The following VPS13A variants were observed in gnomAD, a reference collection of about 807,000 sequenced individuals.
The protein encoded by VPS13A is vacuolar protein sorting 13 homolog A.
Under a neutral mutation model 390.9 loss-of-function variants are expected in VPS13A, and 264 were observed. The observed-to-expected ratio is 0.68, with a 90% confidence interval of 0.61 to 0.75. The LOEUF is 0.75. Ranked by LOEUF, VPS13A falls within the 30% of genes least tolerant of loss-of-function variation. The pLI, the probability that VPS13A is intolerant of heterozygous loss-of-function variation, is 0.00. For missense variants in VPS13A, 3,409 were observed against 3,733.9 expected (o/e 0.91, Z 2.27); for synonymous variants, 1,231 against 1,227.1 (o/e 1.00, Z -0.07).
chr9:77,237,409 A>G (rs1031250372), intron 17 of VPS13A, among the ~76,000 whole-genome samples: 1 of 151,600 alleles, frequency 6.6e-6, no homozygotes, highest in South Asian at 2.1e-4. Context: ...CTGTCACCCA[A>G]GCTGGAGGGC....
intron 1 of VPS13A, among the ~76,000 whole-genome samples, chr9:77,198,342 T>C (rs1178958318): frequency 6.6e-6 from 1 of 152,204 alleles, no homozygotes; most frequent in African/African-American, 2.4e-5. Flanking sequence ...TGTTCTGTTA[T>C]GAATGCCTGC....
intron 67 of VPS13A, among the ~76,000 whole-genome samples, chr9:77,379,487 G>A (rs1038751036): frequency 7.9e-5 from 12 of 151,970 alleles, no homozygotes; most frequent in Admixed American, 3.9e-4. Context: ...TGATCTGCCC[G>A]CCTTGGCCTC....
chr9:77,286,139 G>T (rs1230216704), intron 31 of VPS13A, among the ~76,000 whole-genome samples: 1 of 152,072 alleles, frequency 6.6e-6, no homozygotes, highest in Non-Finnish European at 1.5e-5. Context: ...GTTTTGCACT[G>T]TCTTGGAATA....
chr9:77,382,414 G>A, intron 68 of VPS13A: 1 of 1,431,862 alleles, frequency 7.0e-7, no homozygotes, highest in South Asian at 1.6e-5. Context: ...TTTTGTATTG[G>A]TAACTTTTAA....
chr9:77,224,865 T>C (rs1005984552), intron 13 of VPS13A, among the ~76,000 whole-genome samples: 25 of 152,176 alleles, frequency 1.6e-4, no homozygotes, highest in Admixed American at 1.4e-3. Context: ...GAAGAGTCAA[T>C]TGATGTGGCA....
At chr9:77,198,761 T>G (rs1262913377) in intron 1 of VPS13A, among the ~76,000 whole-genome samples, 1 of 152,060 alleles carries the variant, frequency 6.6e-6, no homozygotes, top group African/African-American at 2.4e-5. Context: ...CCTCCTGGGT[T>G]CAAGCAATTC....
chr9:77,304,287 T>C (rs1828581408), intron 34 of VPS13A, among the ~76,000 whole-genome samples: 3 of 152,140 alleles, frequency 2.0e-5, no homozygotes, highest in Non-Finnish European at 4.4e-5. Flanking sequence ...AGCTCCAGGT[T>C]GGGTCAAAGT....
intron 14 of VPS13A, 122 bp from the exon 15 acceptor site, chr9:77,226,344 G>T: frequency 1.1e-6 from 1 of 875,722 alleles, no homozygotes; most frequent in South Asian, 1.5e-5. Flanking sequence ...TGTTATTAAT[G>T]TGTATATTGT....
intron 49 of VPS13A, 56 bp from the exon 50 acceptor site, chr9:77,340,348 A>T: frequency 6.2e-7 from 1 of 1,601,608 alleles, no homozygotes; most frequent in Non-Finnish European, 8.5e-7. Flanking sequence ...ACTTAATTAA[A>T]TTTTATAAAG....
intron 10 of VPS13A, among the ~76,000 whole-genome samples, chr9:77,215,695 G>A (rs1175281656): frequency 6.6e-6 from 1 of 152,202 alleles, no homozygotes; most frequent in Non-Finnish European, 1.5e-5. Flanking sequence ...AAGACGGGGT[G>A]CCCAAAAGAG....
chr9:77,279,916 G>C (rs1707270385), intron 26 of VPS13A: 2 of 309,206 alleles, frequency 6.5e-6, no homozygotes, highest in Non-Finnish European at 1.2e-5. Flanking sequence ...CTCCTATCTA[G>C]GTTTAGAAGG....
At chr9:77,258,054 T>G (rs1048994765) in intron 22 of VPS13A, among the ~76,000 whole-genome samples, 2 of 152,226 alleles carry the variant, frequency 1.3e-5, no homozygotes, top group African/African-American at 2.4e-5. Flanking sequence ...GCTATGTGCC[T>G]GAGATCCTAA....
chr9:77,270,396 G>C (rs542931999), intron 23 of VPS13A, among the ~76,000 whole-genome samples: 2 of 152,262 alleles, frequency 1.3e-5, no homozygotes, highest in African/African-American at 4.8e-5. Flanking sequence ...TGATGAAGTT[G>C]GATATTTAGC....
intron 31 of VPS13A, among the ~76,000 whole-genome samples, chr9:77,289,375 TTTCTG>T (rs1564698486): frequency 6.6e-6 from 1 of 152,188 alleles, no homozygotes; most frequent in Non-Finnish European, 1.5e-5. Context: ...CTCTAATTGT[TTTCTG>T]TTCTCTAATT....
intron 19 of VPS13A, among the ~76,000 whole-genome samples, chr9:77,240,146 AT>A (rs779179934): frequency 0.017 from 1,883 of 108,836 alleles, 27 homozygotes; most frequent in African/African-American, 0.056. Context: ...TTGGAAGTTC[AT>A]TTTTTTTTTT....
rs1340089690 is a variant in VPS13A, at chr9:77,353,610, A to C, written c.7621A>C (p.Lys2541Gln). The stretch of plus-strand genomic sequence containing the variant: ...AATTTCTCTTGTCAACAATTACACG[A>C]AGCAAGAAGTAGCCTATATAGGCAT... ...VGISLVNNYT[K>Q]QEVAYIGITS... The change falls in exon 54 of 72, where the codon AAG becomes CAG. Residue 2541 changes from lysine to glutamine, a missense_variant. Coordinates refer to ENST00000360280, the MANE Select transcript of VPS13A (RefSeq NM_033305.3). 8 of 1,613,498 alleles carry C rather than the reference A, an allele frequency of 5.0e-6. No individual in the cohort carries two copies. The highest frequency in any genetic ancestry group is 6.8e-6 in the Non-Finnish European group (8 of 1,179,582).
Position 77,339,508 on chromosome 9 carries a change from TATTACAGGGAATTGAAAATTCGG to T in VPS13A, c.6379-7_6394del, listed in dbSNP as rs1587616391. On this transcript the variant is annotated splice_acceptor_variant and splice_polypyrimidine_tract_variant and coding_sequence_variant and intron_variant, in exon 48 of 72. Transcript: ENST00000360280. LOFTEE classifies it high-confidence loss of function. ...AATTTTGTTTTGTTTTTTTTTTTTT[TATTACAGGGAATTGAAAATTCGG>T]TTTTTACTCTAAGTGAAGGACATTC... 2.6e-6 allele frequency: 4 copies of T among 1,530,642 alleles called. No individual in the cohort carries two copies. The highest frequency in any genetic ancestry group is 2.1e-5 in the Admixed American group (1 of 47,004). 94.8% of individuals were successfully genotyped at this position (1,530,642 alleles called of 1,614,324 possible).
chr9:77,386,429 G>A (rs1265248961), intron 68 of VPS13A, among the ~76,000 whole-genome samples: 1 of 151,814 alleles, frequency 6.6e-6, no homozygotes, highest in Non-Finnish European at 1.5e-5. Context: ...CTTGGCCTGT[G>A]ACACTTAATT....
At position 77,353,622 on chromosome 9, in the gene VPS13A, G is replaced by A. The variant is rs1291250957; in HGVS notation, c.7633G>A (p.Ala2545Thr). 1.9e-6 allele frequency: 3 copies of A among 1,613,238 alleles called. No homozygotes were observed. Among genetic ancestry groups the A allele is most frequent in the Non-Finnish European group, 2.5e-6 (3 of 1,179,482 alleles). ...CAACAATTACACGAAGCAAGAAGTAGCCTATATAGGCATTACAAGGTTAGA... is the reference window on the plus strand; with the variant it reads ...CAACAATTACACGAAGCAAGAAGTAACCTATATAGGCATTACAAGGTTAGA... ...LVNNYTKQEV[A>T]YIGITSSDVV... Residue 2545 changes from alanine to threonine, a missense_variant, in exon 54 of 72, where the codon GCC (alanine) becomes ACC (threonine). Physicochemically the swap from Ala to Thr is moderately conservative, Grantham distance 58. Around this residue, in one of 5 missense-constraint regions of VPS13A, gnomAD observed 221 missense variants for 300.7 expected, o/e 0.73. Coordinates refer to ENST00000360280, the MANE Select transcript of VPS13A (RefSeq NM_033305.3).
Sources: gnomAD v4.1 joint callset for allele counts (sites outside exome capture counted in the v4.1 genomes callset) on GRCh38, gnomAD v4.1.1 for gene constraint, gnomAD v4.1.1 regional missense constraint, MANE v1.5 for transcripts, NCBI Gene and HGNC (gene_info 2026-07-23, HGNC 2026-07-21) for gene names.